FAAP20: variants seen among roughly 807,000 people sequenced by gnomAD.
FAAP20 encodes the protein Fanconi anemia core complex-associated protein 20.
In FAAP20, 12 loss-of-function variants were observed where a neutral mutation model predicts 16.2. That is an observed-to-expected ratio of 0.74 (90% CI 0.48 to 1.20). FAAP20 has a LOEUF of 1.20. Ranked by LOEUF, FAAP20 falls within the 50% of genes most tolerant of loss-of-function variation. FAAP20 has a pLI of 0.00. For synonymous variants in FAAP20, 141 were observed against 110.7 expected (o/e 1.27, Z -1.72); for missense variants, 288 against 245.8 (o/e 1.17, Z -1.15).
In FAAP20 at chr1:2,192,979, G is replaced by A. The variant is rs1168455641; in HGVS notation, c.470+660C>T. 8.4e-6 allele frequency: 11 copies of A among 1,303,904 alleles called. No individual in the cohort carries two copies. In the Admixed American group the frequency reaches 2.5e-4, roughly 30 times the overall value. The allele number at this position is 1,303,904 out of a possible 1,614,324, so 80.8% of individuals were successfully genotyped here. A position where few individuals can be genotyped will look rare whatever the true frequency, so the allele number is the denominator to read the frequency against. ...CATTCCCGAGCTGTTTTTGCTTCTG[G>A]AAGACCAGGGGCATCAGGCATGACT... On this transcript the variant is annotated intron_variant, in intron 3 of 3. Coordinates refer to ENST00000378546, the MANE Select transcript of FAAP20 (RefSeq NM_182533.4).
chr1:2,184,760 A>T, downstream of FAAP20: 8 of 1,506,050 alleles, frequency 5.3e-6, no homozygotes, highest in Non-Finnish European at 7.3e-6. Context: ...GCAGGCCGGC[A>T]CCTTGGGCAG....
intron 3 of FAAP20, chr1:2,190,256 G>A (rs745637793): frequency 9.0e-5 from 41 of 457,006 alleles, no homozygotes; most frequent in Admixed American, 1.2e-4. Context: ...TGGCGAGGAG[G>A]GACCAAGCCT....
In FAAP20 at chr1:2,193,699, G is replaced by T; in HGVS notation, c.410C>A (p.Ser137Tyr). 1 of 1,596,062 alleles carries T rather than the reference G, an allele frequency of 6.3e-7. No homozygotes were observed. Among genetic ancestry groups the T allele is most frequent in the Admixed American group, 1.8e-5 (1 of 54,328 alleles). ...GCGCAGGGCCGCGGCACCCTCCACA[G>T]ACGGCTGCTGCTCCACCCTGGGGGC... ...CRAPRVEQQPSVEGAAALRSC... is the reference protein window; with the variant it reads ...CRAPRVEQQPYVEGAAALRSC... The change falls in exon 3 of 4, where the codon TCT (serine) becomes TAT (tyrosine). Residue 137 changes from serine to tyrosine, a missense_variant. Coordinates refer to ENST00000378546, the MANE Select transcript of FAAP20 (RefSeq NM_182533.4).
chr1:2,203,625 T>A, upstream of FAAP20: 1 of 986,074 alleles, frequency 1.0e-6, no homozygotes, highest in Non-Finnish European at 1.2e-6. Flanking sequence ...CAGCTGCGTC[T>A]GGGGCCTGAG....
rs562885630 is a variant in FAAP20 at position 2,189,565 on chromosome 1, G to C, written c.*144C>G. ...GGCAGACGTTTCATCACAACACAGAGACAGACAGGAGCCCGCCCTGCTTTA... is the reference window on the plus strand; with the variant it reads ...GGCAGACGTTTCATCACAACACAGACACAGACAGGAGCCCGCCCTGCTTTA... On this transcript the variant is annotated 3_prime_UTR_variant, in exon 4 of 4. Transcript: ENST00000378546. The C allele has an allele frequency of 4.4e-5, 31 of 706,006 alleles. 1 individual carries two copies. The highest frequency in any genetic ancestry group is 1.2e-4 in the Admixed American group (6 of 48,058). 43.7% of individuals were successfully genotyped at this position (706,006 alleles called of 1,614,324 possible). A position where few individuals can be genotyped will look rare whatever the true frequency, so the allele number is the denominator to read the frequency against.
chr1:2,196,873 T>C (rs1688849294), upstream of FAAP20, among the ~76,000 whole-genome samples: 1 of 151,664 alleles, frequency 6.6e-6, no homozygotes, highest in Non-Finnish European at 1.5e-5. This position sits in a 1 kb window ranked among gnomAD's most constrained non-coding sequence, Gnocchi z 4.5. Context: ...GAAAAGCCCT[T>C]GGTGACAAGT....
At chr1:2,185,501 GGAGTT>G, downstream of FAAP20, 1 of 717,680 alleles carries the variant, frequency 1.4e-6, no homozygotes, top group Non-Finnish European at 2.6e-6. Flanking sequence ...GGTGGGGGCG[GGAGTT>G]GAAGTACCTG....
upstream of FAAP20, chr1:2,200,641 T>G (rs908028981): frequency 1.0e-6 from 1 of 985,992 alleles, no homozygotes; most frequent in African/African-American, 1.7e-5. Context: ...TGTGGTCATT[T>G]TTTCACAGCA....
intron 3 of FAAP20, among the ~76,000 whole-genome samples, chr1:2,205,763 G>A (rs953962225): frequency 3.3e-5 from 5 of 152,250 alleles, no homozygotes; most frequent in Non-Finnish European, 7.3e-5. Context: ...CTGGAAGGCT[G>A]AGCCGCCCTC....
At chr1:2,195,949 G>A (rs1688800247), upstream of FAAP20, among the ~76,000 whole-genome samples, 1 of 152,186 alleles carries the variant, frequency 6.6e-6, no homozygotes, top group Non-Finnish European at 1.5e-5. Flanking sequence ...GCAGCGCTGA[G>A]TGCTGCCCGG....
rs573070272 is a variant in FAAP20 at position 2,191,823 on chromosome 1, C to G, written c.470+1816G>C. The G allele has an allele frequency of 3.4e-3, 3,310 of 985,406 alleles. 7 individuals carry two copies. The highest frequency in any genetic ancestry group is 3.9e-3 in the Non-Finnish European group (3,210 of 829,892). The allele number at this position is 985,406 out of a possible 1,614,324, so 61.0% of individuals were successfully genotyped here. On this transcript the variant is annotated intron_variant, in intron 3 of 3. Coordinates refer to ENST00000378546, the MANE Select transcript of FAAP20 (RefSeq NM_182533.4). The stretch of plus-strand genomic sequence containing the variant: ...AAACGCAGCTCTGGCTCTCAACATC[C>G]TCACCCCTCACCAGGTGCCCAGCTT...
chr1:2,201,180 C>T, upstream of FAAP20: 1 of 1,255,602 alleles, frequency 8.0e-7, no homozygotes, highest in Non-Finnish European at 1.0e-6. Context: ...CAGACCTTCA[C>T]AGAGGAGCCG....
At chr1:2,210,839 G>A (rs115216633), downstream of FAAP20, among the ~76,000 whole-genome samples, 329 of 152,372 alleles carry the variant, frequency 2.2e-3, 1 homozygote, top group African/African-American at 7.5e-3. Flanking sequence ...GCTGAGGGCA[G>A]ACTGCAGGCT....
chr1:2,209,337 G>A (rs941126133), downstream of FAAP20, among the ~76,000 whole-genome samples: 7 of 152,248 alleles, frequency 4.6e-5, no homozygotes, highest in East Asian at 1.9e-4. Context: ...ACTTACCCTC[G>A]TCTATTCCTT....
intron 1 of FAAP20, 28 bp from the exon 2 acceptor site, chr1:2,194,161 G>A (rs777620925): frequency 5.6e-6 from 9 of 1,610,704 alleles, no homozygotes; most frequent in Non-Finnish European, 6.8e-6. Context: ...GGCAGACAGG[G>A]GGTACTCAGT....
At chr1:2,201,114 C>G, upstream of FAAP20, 1 of 1,287,756 alleles carries the variant, frequency 7.8e-7, no homozygotes, top group Non-Finnish European at 1.0e-6. Flanking sequence ...GTGCAGCCGG[C>G]TGTGAACTGT....
chr1:2,196,701 A>G (rs1276679305), upstream of FAAP20, among the ~76,000 whole-genome samples: 1 of 152,184 alleles, frequency 6.6e-6, no homozygotes, highest in African/African-American at 2.4e-5. The surrounding 1 kb of genome is among the most constrained non-coding windows in gnomAD (Gnocchi z 4.5). Flanking sequence ...TTAGCCGGGC[A>G]TGGTGGTGCA....
chr1:2,184,632 A>T (rs765251717), downstream of FAAP20: 1 of 1,614,078 alleles, frequency 6.2e-7, no homozygotes, highest in East Asian at 2.2e-5. Flanking sequence ...ATCACAGACG[A>T]CTACGGTCTG....
At chr1:2,188,374 T>C (rs1687797362), downstream of FAAP20, among the ~76,000 whole-genome samples, 1 of 152,188 alleles carries the variant, frequency 6.6e-6, no homozygotes, top group African/African-American at 2.4e-5. Flanking sequence ...TGGCGAATGA[T>C]GAGGCCCTGG....
Sources: gnomAD v4.1 joint callset for allele counts (sites outside exome capture counted in the v4.1 genomes callset) on GRCh38, gnomAD v4.1.1 for gene constraint, Gnocchi (gnomAD v3.1) non-coding constraint, MANE v1.5 for transcripts, NCBI Gene and HGNC (gene_info 2026-07-23, HGNC 2026-07-21) for gene names.